The following OPCML variants were observed in gnomAD, a reference collection of about 807,000 sequenced individuals.
OPCML encodes opioid-binding protein/cell adhesion molecule.
Under a neutral mutation model 37.8 loss-of-function variants are expected in OPCML, and 13 were observed. The ratio of observed to expected loss-of-function variants is 0.34; its 90% CI spans 0.22 to 0.55. The LOEUF is 0.55. Ranked by LOEUF, OPCML falls within the 20% of genes least tolerant of loss-of-function variation. The pLI, the probability that OPCML is intolerant of heterozygous loss-of-function variation, is 0.91. For missense variants in OPCML, 341 were observed against 435.6 expected (o/e 0.78, Z 1.93); for synonymous variants, 176 against 168.8 (o/e 1.04, Z -0.33).
intron 1 of OPCML, among the ~76,000 whole-genome samples, chr11:133,467,471 A>C (rs1315918869): frequency 6.6e-6 from 1 of 152,204 alleles, no homozygotes; most frequent in African/African-American, 2.4e-5. Context: ...ATAGTTATTT[A>C]TCATTTTGGC....
intron 1 of OPCML, chr11:133,065,149 G>A (rs559428063): frequency 2.0e-5 from 3 of 152,580 alleles, no homozygotes; most frequent in South Asian, 4.2e-4. Context: ...ATGAAGTCCC[G>A]CAGGAGGAAG....
intron 1 of OPCML, among the ~76,000 whole-genome samples, chr11:133,370,421 A>T (rs1944646726): frequency 6.6e-6 from 1 of 151,986 alleles, no homozygotes; most frequent in Admixed American, 6.6e-5. Context: ...ATTTCTATAC[A>T]TCAATAATGA....
chr11:132,988,582 C>T lies in OPCML; in HGVS notation c.62-45572G>A, dbSNP rs188190524. Among the ~76,000 whole-genome samples, 4 of 152,270 alleles carry T rather than the reference C, an allele frequency of 2.6e-5. No individual in the cohort carries two copies. The East Asian group carries it at 7.7e-4, about 29-fold the overall frequency. ...TAGAATAAATAACATGAAGCTTTTG[C>T]TTTAGGTCTCCCTCGCCCTGTTTGT... On this transcript the variant is annotated intron_variant, in intron 1 of 7. Transcript: ENST00000524381.
intron 1 of OPCML, among the ~76,000 whole-genome samples, chr11:133,315,187 G>A (rs1943176452): frequency 6.6e-6 from 1 of 152,110 alleles, no homozygotes; most frequent in Admixed American, 6.5e-5. Flanking sequence ...GAAAAGCCAT[G>A]TATCTACTTT....
intron 4 of OPCML, among the ~76,000 whole-genome samples, chr11:132,484,004 T>C (rs2096190482): frequency 1.3e-5 from 2 of 152,096 alleles, no homozygotes; most frequent in African/African-American, 4.8e-5. Context: ...GACATAGGCA[T>C]GGGCAAGGAC....
At chr11:133,461,442 C>T (rs1796543386) in intron 1 of OPCML, among the ~76,000 whole-genome samples, 1 of 151,780 alleles carries the variant, frequency 6.6e-6, no homozygotes, top group South Asian at 2.1e-4. Flanking sequence ...GTTCTATATA[C>T]TAATAGTGAA....
intron 3 of OPCML, among the ~76,000 whole-genome samples, chr11:132,550,575 C>A (rs1368163610): frequency 6.6e-6 from 1 of 152,212 alleles, no homozygotes; most frequent in Non-Finnish European, 1.5e-5. Flanking sequence ...AACTAAACTT[C>A]TTTTCTTTAT....
intron 4 of OPCML, among the ~76,000 whole-genome samples, chr11:132,512,716 A>G (rs564660669): frequency 1.3e-5 from 2 of 151,878 alleles, no homozygotes; most frequent in African/African-American, 4.8e-5. Flanking sequence ...ATATATACAT[A>G]TAGAATGCAT....
At chr11:133,477,902 G>T (rs1435328537) in intron 1 of OPCML, among the ~76,000 whole-genome samples, 1 of 152,178 alleles carries the variant, frequency 6.6e-6, no homozygotes, top group Admixed American at 6.5e-5. Context: ...ATCTGCTGCT[G>T]TTGTGAACCA....
intron 1 of OPCML, among the ~76,000 whole-genome samples, chr11:133,169,941 C>T (rs977361221): frequency 6.6e-6 from 1 of 151,846 alleles, no homozygotes; most frequent in Non-Finnish European, 1.5e-5. Context: ...TGTTTGTGGG[C>T]TATGAAGAAG....
chr11:132,566,716 T>C (rs1442867211), intron 3 of OPCML, among the ~76,000 whole-genome samples: 1 of 152,184 alleles, frequency 6.6e-6, no homozygotes, highest in Non-Finnish European at 1.5e-5. Flanking sequence ...CTGCGAGGTG[T>C]CTTCACAGAG....
chr11:133,273,187 A>G (rs1338505013), intron 1 of OPCML, among the ~76,000 whole-genome samples: 1 of 152,208 alleles, frequency 6.6e-6, no homozygotes, highest in Admixed American at 6.5e-5. Flanking sequence ...GTCAAAGGAC[A>G]CATTCAAACC....
intron 1 of OPCML, among the ~76,000 whole-genome samples, chr11:133,294,562 A>T (rs2136547426): frequency 6.6e-6 from 1 of 152,080 alleles, no homozygotes; most frequent in Non-Finnish European, 1.5e-5. Flanking sequence ...GATGAAGAAG[A>T]TGGACTTCTT....
At chr11:132,765,894 A>C (rs144831378) in intron 2 of OPCML, among the ~76,000 whole-genome samples, 1 of 152,306 alleles carries the variant, frequency 6.6e-6, no homozygotes, top group Non-Finnish European at 1.5e-5. Context: ...TGGAAAGAGA[A>C]GGCAGAAGTG....
chr11:133,392,424 C>T (rs1410583022), intron 1 of OPCML, among the ~76,000 whole-genome samples: 1 of 152,202 alleles, frequency 6.6e-6, no homozygotes, highest in Non-Finnish European at 1.5e-5. Context: ...TGTTCTAACC[C>T]TCACTGCATT....
In OPCML at chr11:133,464,874, G is replaced by A. The variant is rs527540323; in HGVS notation, c.61+67390C>T. 5.9e-5 allele frequency among the ~76,000 whole-genome samples: 9 copies of A among 152,162 alleles called. No homozygotes were observed. In the South Asian group the frequency reaches 1.9e-3, roughly 32 times the overall value. Reference sequence around the variant, plus strand: ...TTGAATGATGGAAATGAGGTAGAGGGTAAGGCAGGCCTTGATCTCAAGGCC... The same window carrying A: ...TTGAATGATGGAAATGAGGTAGAGGATAAGGCAGGCCTTGATCTCAAGGCC... On this transcript the variant is annotated intron_variant, in intron 1 of 7. Transcript: ENST00000524381.
intron 2 of OPCML, among the ~76,000 whole-genome samples, chr11:132,915,153 C>T (rs1944563073): frequency 6.6e-6 from 1 of 151,962 alleles, no homozygotes; most frequent in African/African-American, 2.4e-5. Context: ...GCCTCATTCT[C>T]ATTCACCTCT....
chr11:132,487,102 C>T (rs2096202309), intron 4 of OPCML, among the ~76,000 whole-genome samples: 1 of 152,144 alleles, frequency 6.6e-6, no homozygotes, highest in East Asian at 1.9e-4. Context: ...TTGTAAAACC[C>T]AAACACAGCT....
chr11:133,200,997 G>C (rs1938758893), intron 1 of OPCML, among the ~76,000 whole-genome samples: 1 of 152,190 alleles, frequency 6.6e-6, no homozygotes, highest in South Asian at 2.1e-4. Context: ...GGTTTAGCTG[G>C]AGGCCATTAT....
Sources: gnomAD v4.1 joint callset for allele counts (sites outside exome capture counted in the v4.1 genomes callset) on GRCh38, gnomAD v4.1.1 for gene constraint, MANE v1.5 for transcripts, NCBI Gene and HGNC (gene_info 2026-07-23, HGNC 2026-07-21) for gene names.